LIPA: variants seen among roughly 807,000 people sequenced by gnomAD.
The protein encoded by LIPA is lipase A, lysosomal acid type, also known as lysosomal acid lipase/cholesteryl ester hydrolase.
LIPA carries 26 observed loss-of-function variants against 40.6 expected under a neutral mutation model. The ratio of observed to expected loss-of-function variants is 0.64; its 90% CI spans 0.47 to 0.89. The LOEUF (loss-of-function observed/expected upper bound fraction) is 0.89, where lower values mean the gene tolerates loss of function less well. Ranked by LOEUF, LIPA falls within the 40% of genes least tolerant of loss-of-function variation. The pLI is 0.00. For synonymous variants in LIPA, 188 were observed against 168.4 expected (o/e 1.12, Z -0.90); for missense variants, 455 against 479.6 (o/e 0.95, Z 0.48).
chr10:89,379,486 G>C (rs1051101031), intron 2 of LIPA, among the ~76,000 whole-genome samples: 1 of 151,786 alleles, frequency 6.6e-6, no homozygotes, highest in African/African-American at 2.4e-5. Flanking sequence ...TTTTTTCCTG[G>C]TGTAGTTAGA....
At chr10:89,354,813 G>C (rs1045365499) in intron 2 of LIPA, among the ~76,000 whole-genome samples, 1 of 152,178 alleles carries the variant, frequency 6.6e-6, no homozygotes, top group African/African-American at 2.4e-5. Flanking sequence ...TGATCCACCT[G>C]CCTCGGCCTC....
chr10:89,361,149 G>A (rs541028165), intron 2 of LIPA, among the ~76,000 whole-genome samples: 6 of 152,166 alleles, frequency 3.9e-5, no homozygotes, highest in Non-Finnish European at 8.8e-5. Context: ...TAGGACTTCA[G>A]AGCATCTTTT....
intron 1 of LIPA, among the ~76,000 whole-genome samples, chr10:89,328,744 C>CA (rs900805994): frequency 2.0e-5 from 3 of 152,036 alleles, no homozygotes; most frequent in African/African-American, 4.8e-5. Context: ...TGGTCAGCAG[C>CA]AAAAAAAGAA....
chr10:89,329,707 C>CAAAT (rs2133539654), intron 1 of LIPA, among the ~76,000 whole-genome samples: 1 of 152,272 alleles, frequency 6.6e-6, no homozygotes, highest in East Asian at 1.9e-4. Flanking sequence ...AATTATAACA[C>CAAAT]AAATATATTA....
chr10:89,299,345 G>A (rs1220281399), intron 1 of LIPA, among the ~76,000 whole-genome samples: 4 of 152,034 alleles, frequency 2.6e-5, no homozygotes, highest in South Asian at 2.1e-4. Flanking sequence ...AAGTCTTCAC[G>A]ATCTATGGGA....
At chr10:89,257,202 T>C (rs80063683) in intron 1 of LIPA, among the ~76,000 whole-genome samples, 1 of 152,370 alleles carries the variant, frequency 6.6e-6, no homozygotes, top group East Asian at 1.9e-4. Context: ...GGCAGTCTTT[T>C]GTGATAGTTC....
intron 1 of LIPA, among the ~76,000 whole-genome samples, chr10:89,270,680 A>C (rs947833375): frequency 6.6e-6 from 1 of 152,180 alleles, no homozygotes; most frequent in Non-Finnish European, 1.5e-5. Flanking sequence ...GCCAGCTTTG[A>C]GTAGGGCCCA....
intron 1 of LIPA, among the ~76,000 whole-genome samples, chr10:89,279,175 T>A (rs1026726033): frequency 6.6e-6 from 1 of 152,180 alleles, no homozygotes; most frequent in Non-Finnish European, 1.5e-5. Context: ...AGTTTCTATG[T>A]GATGATTTGT....
chr10:89,268,939 T>A (rs1843251411), intron 1 of LIPA, among the ~76,000 whole-genome samples: 1 of 148,736 alleles, frequency 6.7e-6, no homozygotes, highest in East Asian at 2.0e-4. Context: ...TGAGCCAAGA[T>A]AGCACCACTG....
intron 2 of LIPA, among the ~76,000 whole-genome samples, chr10:89,411,681 C>G (rs1223049013): frequency 1.3e-5 from 2 of 152,212 alleles, no homozygotes; most frequent in Non-Finnish European, 2.9e-5. Flanking sequence ...AGCGACTCTC[C>G]AAAATCGCCA....
At chr10:89,334,478 C>CTTTTTTTTTTTTTTTTTTTTTT (rs578154457) in intron 1 of LIPA, among the ~76,000 whole-genome samples, 5 of 25,312 alleles carry the variant, frequency 2.0e-4, no homozygotes, top group Non-Finnish European at 3.5e-4. Context: ...TTCTTTTATT[C>CTTTTTTTTTTTTTTTTTTTTTT]TTTTTTTTTT....
chr10:89,303,047 C>CT (rs1278361072), intron 1 of LIPA, among the ~76,000 whole-genome samples: 6 of 149,010 alleles, frequency 4.0e-5, no homozygotes, highest in African/African-American at 7.4e-5. Context: ...TTACAGATTT[C>CT]TTTTTTTTGT....
Position 89,278,970 on chromosome 10 carries a change from AG to A in LIPA, c.-1-31322del, listed in dbSNP as rs1225397847. 2.0e-5 allele frequency among the ~76,000 whole-genome samples: 3 copies of A among 152,234 alleles called. No individual in the cohort carries two copies. In the East Asian group the frequency reaches 5.8e-4, roughly 29 times the overall value. ...AGACATATATATAATGGAAACATAC[AG>A]AATGGTAACAGGTTTTTACCAACAA... On this transcript the variant is annotated intron_variant, in intron 1 of 5. Transcript: ENST00000282673.
intron 3 of LIPA, among the ~76,000 whole-genome samples, chr10:89,232,508 C>T (rs899253372): frequency 6.6e-6 from 1 of 152,198 alleles, no homozygotes; most frequent in Non-Finnish European, 1.5e-5. Flanking sequence ...CAATCTGTGC[C>T]TCTGTAGTTA....
chr10:89,414,654 C>G, upstream of LIPA: 1 of 804,386 alleles, frequency 1.2e-6, no homozygotes, highest in East Asian at 3.3e-5. Flanking sequence ...AGACACGCCG[C>G]GCGGCCGAGT....
At chr10:89,335,242 T>A (rs1430908602) in intron 1 of LIPA, 4 of 152,226 alleles carry the variant, frequency 2.6e-5, no homozygotes, top group African/African-American at 9.6e-5. Context: ...TCTTCCTGAA[T>A]AAATTGTTCC....
chr10:89,260,896 C>G (rs1045229472), intron 1 of LIPA, among the ~76,000 whole-genome samples: 2 of 152,202 alleles, frequency 1.3e-5, no homozygotes, highest in African/African-American at 2.4e-5. Context: ...GGCTTTGACC[C>G]GCGATGGTGA....
upstream of LIPA, among the ~76,000 whole-genome samples, chr10:89,253,535 T>C (rs550648545): frequency 2.1e-4 from 32 of 152,194 alleles, no homozygotes; most frequent in Non-Finnish European, 4.0e-4. Context: ...GGAGCTATAA[T>C]TCAAGATGAG....
chr10:89,402,591 T>C, intron 2 of LIPA: 4 of 1,614,214 alleles, frequency 2.5e-6, no homozygotes, highest in Non-Finnish European at 3.4e-6. Flanking sequence ...CTGGATGTAT[T>C]ACCACATGGG....
Sources: allele counts gnomAD v4.1 joint callset (sites outside exome capture counted in the v4.1 genomes callset), GRCh38; gene constraint gnomAD v4.1.1; transcripts MANE v1.5; gene names NCBI Gene and HGNC (gene_info 2026-07-23, HGNC 2026-07-21).